TRMT44: variants seen among roughly 807,000 people sequenced by gnomAD.
The protein encoded by TRMT44 is tRNA methyltransferase 44 homolog, also known as probable tRNA (uracil-O(2)-)-methyltransferase.
In TRMT44, 78 loss-of-function variants were observed where a neutral mutation model predicts 77.3. That is an observed-to-expected ratio of 1.01 (90% confidence interval 0.84 to 1.22). The LOEUF is 1.22. TRMT44 is among the 50% of genes most tolerant of loss of function. The pLI is 0.00. For missense variants in TRMT44, 1,090 were observed against 964.4 expected (o/e 1.13, Z -1.73); for synonymous variants, 391 against 383.3 (o/e 1.02, Z -0.23).
chr4:8,441,070 C>G lies in TRMT44; in HGVS notation c.248C>G (p.Pro83Arg). The change falls in exon 1 of 11, where the codon CCG becomes CGG. Residue 83 changes from proline to arginine, a missense_variant. Coordinates refer to ENST00000389737, the MANE Select transcript of TRMT44 (RefSeq NM_152544.3). ...GPGQGSPGGGPGPRSLSGPEQ... is the reference protein window; with the variant it reads ...GPGQGSPGGGRGPRSLSGPEQ... ...GGCCAGGGTTCCCCCGGAGGGGGCC[C>G]GGGTCCCAGGTCGCTATCAGGACCC... 2 of 1,488,312 alleles carry G rather than the reference C, an allele frequency of 1.3e-6. No individual in the cohort carries two copies. The highest frequency in any genetic ancestry group is 8.9e-7 in the Non-Finnish European group (1 of 1,124,748). 92.2% of individuals were successfully genotyped at this position (1,488,312 alleles called of 1,614,324 possible). A position where few individuals can be genotyped will look rare whatever the true frequency, so the allele number is the denominator to read the frequency against.
Position 8,440,922 on chromosome 4 carries a change from G to A in TRMT44, c.100G>A (p.Ala34Thr), listed in dbSNP as rs1401231683. The change falls in exon 1 of 11, where the codon GCA (alanine) becomes ACA (threonine). Residue 34 changes from alanine (A) to threonine (T), a missense_variant. Ala to Thr is a moderately conservative substitution (Grantham distance 58). Transcript: ENST00000389737. ...VEVWLERPQV[A>T]NKRLCGARLE... ...AGTGTGGCTGGAGAGGCCGCAGGTG[G>A]CAAACAAACGGCTTTGCGGCGCCCG... 1 of 1,530,474 alleles carries A rather than the reference G, an allele frequency of 6.5e-7. No homozygotes were observed. Among genetic ancestry groups the A allele is most frequent in the Non-Finnish European group, 8.7e-7 (1 of 1,145,522 alleles). The allele number at this position is 1,530,474 out of a possible 1,614,324, so 94.8% of individuals were successfully genotyped here. A position where few individuals can be genotyped will look rare whatever the true frequency, so the allele number is the denominator to read the frequency against.
At chr4:8,472,770 GTGCTGGCTGGGCTGGGCC>G (rs200566126) in intron 10 of TRMT44, among the ~76,000 whole-genome samples, 5,407 of 152,246 alleles carry the variant, frequency 0.036, 198 homozygotes, top group African/African-American at 0.089. Flanking sequence ...TGGGCCTGCA[GTGCTGGCTGGGCTGGGCC>G]TGCTGGCTGG....
intron 2 of TRMT44, among the ~76,000 whole-genome samples, chr4:8,490,303 C>G (rs1276591663): frequency 3.3e-5 from 5 of 152,122 alleles, no homozygotes; most frequent in Admixed American, 2.0e-4. Context: ...GCCACAGACC[C>G]TCGCGGTGAG....
chr4:8,485,273 G>A (rs542792007), intron 2 of TRMT44, among the ~76,000 whole-genome samples: 7 of 152,274 alleles, frequency 4.6e-5, no homozygotes, highest in Admixed American at 1.3e-4. Flanking sequence ...GATCAAGAAC[G>A]GAATAGTGAG....
chr4:8,505,076 G>C, the TRMT44 span, among the ~76,000 whole-genome samples: 1 of 152,216 alleles, frequency 6.6e-6, no homozygotes, highest in East Asian at 1.9e-4. Flanking sequence ...CTTTCTCCTG[G>C]CTGCGTGACC....
At chr4:8,459,903 GGGGTGTTGTGTAGT>G (rs1726043520) in intron 6 of TRMT44, among the ~76,000 whole-genome samples, 1 of 152,168 alleles carries the variant, frequency 6.6e-6, no homozygotes, top group Non-Finnish European at 1.5e-5. Flanking sequence ...GAGGAGGCTG[GGGGTGTTGTGTAGT>G]GGCCGCCGCT....
Position 8,449,759 on chromosome 4 carries a change from G to A in TRMT44, c.825G>A (p.Leu275=). The part of the protein sequence containing the change: ...PKPTWLGEEL[L]AKLAKWSVEN... ...CCACGTGGCTTGGAGAAGAGTTGCT[G>A]GCCAAGTTGGCCAAGTGGTCTGTAG... Residue 275 remains leucine, a synonymous_variant, in exon 3 of 11, where the codon CTG becomes CTA. Coordinates refer to ENST00000389737, the MANE Select transcript of TRMT44 (RefSeq NM_152544.3). 2 of 1,535,954 alleles carry A rather than the reference G, an allele frequency of 1.3e-6. No homozygotes were observed. Among genetic ancestry groups the A allele is most frequent in the Non-Finnish European group, 1.7e-6 (2 of 1,146,876 alleles).
intron 2 of TRMT44, among the ~76,000 whole-genome samples, chr4:8,486,722 A>G (rs892601690): frequency 1.1e-4 from 17 of 152,152 alleles, no homozygotes; most frequent in Admixed American, 2.6e-4. Context: ...AACCTTGACT[A>G]TGCCTTTAGC....
chr4:8,500,066 G>T, the TRMT44 span, among the ~76,000 whole-genome samples: 1 of 151,534 alleles, frequency 6.6e-6, no homozygotes, highest in Non-Finnish European at 1.5e-5. Flanking sequence ...CTGTTTCTAT[G>T]AAAAAAATTA....
Position 8,451,969 on chromosome 4 carries a change from G to T in TRMT44, c.964G>T (p.Glu322Ter). 1 of 1,536,782 alleles carries T rather than the reference G, an allele frequency of 6.5e-7. No homozygotes were observed. The highest frequency in any genetic ancestry group is 8.7e-7 in the Non-Finnish European group (1 of 1,147,032). ...KYKEMVKVWP[E>*]VTDPEKFVYE... ...CTTGAAACTGTTTTAGGTGTGGCCT[G>T]AAGTCACTGATCCTGAGAAGTTCGT... Residue 322 changes from glutamate (E) to a stop codon, truncating the protein, a stop_gained, in exon 4 of 11, where the codon GAA becomes TAA. Transcript: ENST00000389737. LOFTEE classifies it high-confidence loss of function. This position sits in a 1 kb window ranked among gnomAD's most constrained non-coding sequence, Gnocchi z 4.1.
intron 9 of TRMT44, among the ~76,000 whole-genome samples, chr4:8,469,039 C>T (rs1162481492): frequency 6.6e-6 from 1 of 152,196 alleles, no homozygotes; most frequent in Non-Finnish European, 1.5e-5. Flanking sequence ...CCGTCGGTGA[C>T]TTCTGCCTGG....
In TRMT44 at chr4:8,475,979, C is replaced by A; in HGVS notation, c.2252C>A (p.Thr751Asn). The change falls in exon 11 of 11, where the codon ACC (threonine) becomes AAC (asparagine). Residue 751 changes from threonine to asparagine, a missense_variant. Physicochemically the swap from Thr to Asn is moderately conservative, Grantham distance 65 (BLOSUM62 0). Transcript: ENST00000389737. Reference sequence around the variant, plus strand: ...GCGGAGCTGCGGCCACCCCGGACCACCCCGAGGAAGAAGATTTCATGAGCT... The same window carrying A: ...GCGGAGCTGCGGCCACCCCGGACCAACCCGAGGAAGAAGATTTCATGAGCT... ...GPAELRPPRT[T>N]PRKKIS The A allele has an allele frequency of 6.2e-7, 1 of 1,613,952 alleles. No individual in the cohort carries two copies. The highest frequency in any genetic ancestry group is 2.2e-5 in the East Asian group (1 of 44,888).
At chr4:8,493,839 G>C (rs890758070), downstream of TRMT44, among the ~76,000 whole-genome samples, 2 of 151,878 alleles carry the variant, frequency 1.3e-5, no homozygotes, top group African/African-American at 4.8e-5. Flanking sequence ...CTGCCTGCCT[G>C]GCGAGCATAA....
intron 1 of TRMT44, among the ~76,000 whole-genome samples, chr4:8,443,078 G>T (rs1724851188): frequency 6.6e-6 from 1 of 152,198 alleles, no homozygotes; most frequent in African/African-American, 2.4e-5. Flanking sequence ...GAGGTACATA[G>T]TCCCCTCTGA....
intron 10 of TRMT44, among the ~76,000 whole-genome samples, chr4:8,475,175 G>A (rs1224680275): frequency 6.6e-6 from 1 of 152,190 alleles, no homozygotes; most frequent in Non-Finnish European, 1.5e-5. Context: ...CACCAGCCCC[G>A]TCCTTAGACT....
chr4:8,514,173 G>T, the TRMT44 span, among the ~76,000 whole-genome samples: 1 of 151,800 alleles, frequency 6.6e-6, no homozygotes, highest in African/African-American at 2.4e-5. Context: ...AGCCAGCTCT[G>T]CACAGGGCAC....
At chr4:8,502,918 C>A in the TRMT44 span, among the ~76,000 whole-genome samples, 2 of 152,218 alleles carry the variant, frequency 1.3e-5, no homozygotes, top group African/African-American at 4.8e-5. Context: ...GGCCCAAGAC[C>A]ACTTCTTCTT....
chr4:8,463,082 G>A (rs1726271879), intron 6 of TRMT44, among the ~76,000 whole-genome samples: 1 of 152,218 alleles, frequency 6.6e-6, no homozygotes, highest in African/African-American at 2.4e-5. Flanking sequence ...TTGTGTTATA[G>A]TTTTGCTGTT....
At chr4:8,474,323 T>TGG (rs879871974) in intron 10 of TRMT44, among the ~76,000 whole-genome samples, 3 of 152,150 alleles carry the variant, frequency 2.0e-5, no homozygotes, top group Non-Finnish European at 4.4e-5. Flanking sequence ...GGTGCTGCTG[T>TGG]GGGGACATGG....
Sources: allele counts gnomAD v4.1 joint callset (sites outside exome capture counted in the v4.1 genomes callset), GRCh38; gene constraint gnomAD v4.1.1; non-coding constraint Gnocchi (gnomAD v3.1); transcripts MANE v1.5; gene names NCBI Gene and HGNC (gene_info 2026-07-23, HGNC 2026-07-21).